The following APBA1 variants were observed in gnomAD, a reference collection of about 807,000 sequenced individuals.
APBA1 encodes amyloid-beta A4 precursor protein-binding family A member 1.
A neutral mutation model predicts 86.6 loss-of-function variants in APBA1; 55 were observed. The ratio of observed to expected loss-of-function variants is 0.64; its 90% CI spans 0.51 to 0.80. The LOEUF is 0.80. Ranked by LOEUF, APBA1 falls within the 30% of genes least tolerant of loss-of-function variation. The probability of loss-of-function intolerance (pLI) is 0.00; values close to 1 mark genes in which losing one functional copy is unlikely to be tolerated. For synonymous variants in APBA1, 511 were observed against 493.9 expected (o/e 1.03, Z -0.46); for missense variants, 1,090 against 1,183.0 (o/e 0.92, Z 1.15).
rs781614604 is a variant in APBA1 at position 69,516,449 on chromosome 9, C to T, written c.762G>A (p.Glu254=). 1.2e-6 allele frequency: 2 copies of T among 1,603,900 alleles called. No individual in the cohort carries two copies. Among genetic ancestry groups the T allele is most frequent in the Non-Finnish European group, 1.7e-6 (2 of 1,178,720 alleles). ...GESDSPEKEA[E]FAPYPRMDSY... The stretch of plus-strand genomic sequence containing the variant: ...TGTCCATGCGCGGGTAGGGCGCGAA[C>T]TCGGCCTCCTTCTCGGGGCTGTCGG... The change falls in exon 2 of 13, where the codon GAG becomes GAA. Residue 254 remains glutamate, a synonymous_variant. Transcript: ENST00000265381. The surrounding 1 kb of genome is among the most constrained non-coding windows in gnomAD (Gnocchi z 7.3).
chr9:69,467,254 A>C (rs1835294002), intron 5 of APBA1, among the ~76,000 whole-genome samples: 2 of 152,216 alleles, frequency 1.3e-5, no homozygotes, highest in South Asian at 4.1e-4. Flanking sequence ...CGTTCCTTTT[A>C]TGTCTTGATT....
In APBA1 at chr9:69,516,298, T is replaced by G; in HGVS notation, c.913A>C (p.Thr305Pro). The change falls in exon 2 of 13, where the codon ACC (threonine) becomes CCC (proline). Residue 305 changes from threonine to proline, a missense_variant. By Grantham distance (38) the Thr-to-Pro change is conservative. This residue lies in a region of APBA1 where 678 missense variants were observed against 647.1 expected (regional missense o/e 1.05). Coordinates refer to ENST00000265381, the MANE Select transcript of APBA1 (RefSeq NM_001163.4). The surrounding 1 kb of genome is among the most constrained non-coding windows in gnomAD (Gnocchi z 7.3). ...EAEQDLERPP[T>P]PAGGRPDSPG... is the part of the protein sequence containing the mutation. Reference sequence around the variant, plus strand: ...CTGTCGGGGCGACCCCCGGCCGGGGTAGGGGGACGCTCCAGGTCCTGCTCG... The same window carrying G: ...CTGTCGGGGCGACCCCCGGCCGGGGGAGGGGGACGCTCCAGGTCCTGCTCG... 6.4e-7 allele frequency: 1 copy of G among 1,551,772 alleles called. No individual in the cohort carries two copies. Among genetic ancestry groups the G allele is most frequent in the Middle Eastern group, 1.8e-4 (1 of 5,536 alleles).
intron 2 of APBA1, among the ~76,000 whole-genome samples, chr9:69,490,692 T>G (rs1330301727): frequency 6.6e-6 from 1 of 152,012 alleles, no homozygotes; most frequent in Non-Finnish European, 1.5e-5. Flanking sequence ...AGAAAATTTT[T>G]GCAATCCACT....
chr9:69,603,891 C>T (rs78959496), intron 1 of APBA1, among the ~76,000 whole-genome samples: 4,046 of 152,244 alleles, frequency 0.027, 82 homozygotes, highest in African/African-American at 0.05. Flanking sequence ...TAACAGAGAA[C>T]GGCCTCTTCA....
intron 5 of APBA1, chr9:69,462,257 T>C (rs1835202956): frequency 6.6e-6 from 1 of 152,180 alleles, no homozygotes; most frequent in Non-Finnish European, 1.5e-5. Flanking sequence ...CCCTATCTTC[T>C]GGTTGAAGAG....
In APBA1 at chr9:69,517,187, C is replaced by G. The variant is rs770457926; in HGVS notation, c.24G>C (p.Ala8=). 1.3e-6 allele frequency: 2 copies of G among 1,535,846 alleles called. No individual in the cohort carries two copies. The highest frequency in any genetic ancestry group is 2.6e-5 in the South Asian group (2 of 78,404). Residue 8 remains alanine (A), a synonymous_variant, in exon 2 of 13, where the codon GCG becomes GCC. Transcript: ENST00000265381. MNHLEGS[A]EVEVTDEAAG... ...CCGCCTCGTCGGTCACCTCCACCTC[C>G]GCAGACCCCTCCAAGTGGTTCATGG... is the stretch of plus-strand genomic sequence containing the variant.
rs565374508 is a variant in APBA1, at chr9:69,490,954, A to G, written c.1201-14811T>C. 2.6e-5 allele frequency among the ~76,000 whole-genome samples: 4 copies of G among 152,250 alleles called. No homozygotes were observed. In the East Asian group the frequency reaches 7.7e-4, roughly 29 times the overall value. ...GGCGATCACTAAAAAGTCAGGAAAC[A>G]ACAGGTGCTAGAGAGGATGTGGAGA... On this transcript the variant is annotated intron_variant, in intron 2 of 12. Transcript: ENST00000265381.
Position 69,427,945 on chromosome 9 carries a change from T to C in APBA1, c.*3382A>G, listed in dbSNP as rs1834516367. On this transcript the variant is annotated 3_prime_UTR_variant, in exon 13 of 13. Transcript: ENST00000265381. ...TGCTGTGCTAAGTATGTACAAGAAA[T>C]GTCATTCCCACACAGTCCTCACACA... 1 of 152,158 alleles carries C rather than the reference T, an allele frequency of 6.6e-6. No homozygotes were observed. The highest frequency in any genetic ancestry group is 1.5e-5 in the Non-Finnish European group (1 of 68,042). The allele number at this position is 152,158 out of a possible 1,614,324, so 9.4% of individuals were successfully genotyped here. A position where few individuals can be genotyped will look rare whatever the true frequency, so the allele number is the denominator to read the frequency against.
intron 5 of APBA1, among the ~76,000 whole-genome samples, chr9:69,466,350 C>T (rs1835279842): frequency 6.6e-6 from 1 of 152,184 alleles, no homozygotes; most frequent in Admixed American, 6.5e-5. Context: ...CACCACATGG[C>T]AGAGTCTGGA....
intron 1 of APBA1, among the ~76,000 whole-genome samples, chr9:69,667,224 C>T (rs1363713848): frequency 6.6e-6 from 1 of 152,162 alleles, no homozygotes; most frequent in African/African-American, 2.4e-5. Context: ...CTTTTTACTG[C>T]ATTTAAGGGA....
At chr9:69,432,801 G>T in intron 11 of APBA1, 125 bp from the exon 12 acceptor site, 1 of 1,027,418 alleles carries the variant, frequency 9.7e-7, no homozygotes, top group South Asian at 2.8e-5. Context: ...GTTAGGCTTT[G>T]GGCATTTAAC....
chr9:69,471,413 C>G (rs1466182194), intron 4 of APBA1, among the ~76,000 whole-genome samples: 1 of 152,118 alleles, frequency 6.6e-6, no homozygotes, highest in Non-Finnish European at 1.5e-5. Context: ...GGGTAAAGCC[C>G]ACAGCTTCGA....
In APBA1 at chr9:69,516,785, G is replaced by C. The variant is rs763738768; in HGVS notation, c.426C>G (p.His142Gln). 28 of 1,610,928 alleles carry C rather than the reference G, an allele frequency of 1.7e-5. No homozygotes were observed. The South Asian group carries it at 2.7e-4, about 16-fold the overall frequency. The stretch of plus-strand genomic sequence containing the variant: ...GCAGGTGGTTGGGCAGCGCGCGGCG[G>C]TGCGTGGCCTCGGCGTGCTCGGCCT... ...QAEAEHAEAT[H>Q]RRALPNHLHF... Residue 142 changes from histidine to glutamine, a missense_variant, in exon 2 of 13, where the codon CAC becomes CAG. Transcript: ENST00000265381. The surrounding 1 kb of genome is among the most constrained non-coding windows in gnomAD (Gnocchi z 7.3).
At chr9:69,434,899 C>A (rs1174717362) in intron 11 of APBA1, among the ~76,000 whole-genome samples, 1 of 150,644 alleles carries the variant, frequency 6.6e-6, no homozygotes, top group Non-Finnish European at 1.5e-5. Flanking sequence ...CACCCATTAA[C>A]TCGTCATTTA....
chr9:69,539,449 T>C (rs1035061175), intron 1 of APBA1, among the ~76,000 whole-genome samples: 52 of 152,380 alleles, frequency 3.4e-4, no homozygotes, highest in African/African-American at 1.2e-3. Flanking sequence ...TCAGCAACTC[T>C]TGTTATTTCT....
intron 10 of APBA1, among the ~76,000 whole-genome samples, chr9:69,442,092 C>T (rs1834834112): frequency 6.6e-6 from 1 of 152,196 alleles, no homozygotes; most frequent in East Asian, 1.9e-4. Flanking sequence ...CAGCTTCACC[C>T]TAGAGGAGGG....
chr9:69,463,839 A>G (rs557678807), intron 5 of APBA1: 1 of 152,280 alleles, frequency 6.6e-6, no homozygotes, highest in Non-Finnish European at 1.5e-5. Flanking sequence ...TACTAATCAG[A>G]TTGGGGTTAA....
At chr9:69,624,008 T>G (rs2133992158) in intron 1 of APBA1, among the ~76,000 whole-genome samples, 1 of 152,340 alleles carries the variant, frequency 6.6e-6, no homozygotes, top group Non-Finnish European at 1.5e-5. Flanking sequence ...TAAATCATCA[T>G]AATCCATTTT....
At chr9:69,491,518 G>C (rs1332080242) in intron 2 of APBA1, among the ~76,000 whole-genome samples, 2 of 151,732 alleles carry the variant, frequency 1.3e-5, no homozygotes, top group Non-Finnish European at 2.9e-5. Flanking sequence ...ATGAGTTAAT[G>C]GGTGCAGCAC....
Sources: gnomAD v4.1 joint callset for allele counts (sites outside exome capture counted in the v4.1 genomes callset) on GRCh38, gnomAD v4.1.1 for gene constraint, gnomAD v4.1.1 regional missense constraint, Gnocchi (gnomAD v3.1) non-coding constraint, MANE v1.5 for transcripts, NCBI Gene and HGNC (gene_info 2026-07-23, HGNC 2026-07-21) for gene names.